FAM227B: variants seen among roughly 807,000 people sequenced by gnomAD.
The protein encoded by FAM227B is protein FAM227B.
In FAM227B, 88 loss-of-function variants were observed where a neutral mutation model predicts 73.8. The ratio of observed to expected loss-of-function variants is 1.19; its 90% CI spans 1.00 to 1.42. The LOEUF is 1.42. Ranked by LOEUF, FAM227B falls within the 40% of genes most tolerant of loss-of-function variation. The pLI, the probability that FAM227B is intolerant of heterozygous loss-of-function variation, is 0.00. For synonymous variants in FAM227B, 210 were observed against 190.5 expected (o/e 1.10, Z -0.84); for missense variants, 632 against 590.9 (o/e 1.07, Z -0.72).
At chr15:49,459,544 A>C (rs1458151748) in intron 11 of FAM227B, among the ~76,000 whole-genome samples, 2 of 149,422 alleles carry the variant, frequency 1.3e-5, no homozygotes, top group East Asian at 4.3e-4. Flanking sequence ...CCCATCCTCT[A>C]TCTTTATCTT....
intron 11 of FAM227B, among the ~76,000 whole-genome samples, chr15:49,405,943 C>T (rs2048480010): frequency 1.3e-5 from 2 of 152,112 alleles, no homozygotes; most frequent in African/African-American, 4.8e-5. Flanking sequence ...TATGTGATGA[C>T]CCGGAAGGTT....
At chr15:49,401,404 G>A (rs1406465488) in intron 11 of FAM227B, among the ~76,000 whole-genome samples, 2 of 151,946 alleles carry the variant, frequency 1.3e-5, no homozygotes, top group African/African-American at 4.8e-5. Context: ...CTGTTGGTGG[G>A]ACTGTAAACT....
intron 11 of FAM227B, among the ~76,000 whole-genome samples, chr15:49,467,129 C>T (rs538121344): frequency 2.6e-5 from 4 of 152,010 alleles, no homozygotes; most frequent in Non-Finnish European, 5.9e-5. Flanking sequence ...GTAAGTTTCA[C>T]GGAGTATATT....
At chr15:49,455,053 A>G (rs751471629) in intron 11 of FAM227B, among the ~76,000 whole-genome samples, 7 of 152,110 alleles carry the variant, frequency 4.6e-5, no homozygotes, top group Non-Finnish European at 1.0e-4. Flanking sequence ...TTGGGGGATC[A>G]CCTGTATTAG....
chr15:49,465,136 A>AT (rs2054146638), intron 11 of FAM227B, among the ~76,000 whole-genome samples: 1 of 151,678 alleles, frequency 6.6e-6, no homozygotes, highest in South Asian at 2.1e-4. Context: ...TTTTATTTTT[A>AT]TTTTATTTTT....
At chr15:49,370,935 T>C (rs2045762565) in intron 12 of FAM227B, among the ~76,000 whole-genome samples, 1 of 152,198 alleles carries the variant, frequency 6.6e-6, no homozygotes, top group Admixed American at 6.5e-5. Flanking sequence ...ACAGGTCAAC[T>C]ATTGTTGATA....
intron 3 of FAM227B, among the ~76,000 whole-genome samples, chr15:49,590,675 T>A (rs1207007079): frequency 6.6e-6 from 1 of 152,212 alleles, no homozygotes; most frequent in East Asian, 1.9e-4. Context: ...ACAGAGTTTA[T>A]GTGTTGAGAA....
intron 4 of FAM227B, among the ~76,000 whole-genome samples, chr15:49,589,064 A>C (rs904100365): frequency 6.6e-6 from 1 of 152,138 alleles, no homozygotes; most frequent in African/African-American, 2.4e-5. Context: ...ATTTAAAACT[A>C]TTCTGGAAAT....
intron 15 of FAM227B, 63 bp from the exon 16 acceptor site, chr15:49,328,738 GA>G: frequency 6.7e-7 from 1 of 1,503,398 alleles, no homozygotes; most frequent in Non-Finnish European, 8.9e-7. Context: ...AATTGAATTT[GA>G]ATGTGAGATT....
At chr15:49,603,088 G>A (rs1337684461) in intron 3 of FAM227B, among the ~76,000 whole-genome samples, 5 of 87,752 alleles carry the variant, frequency 5.7e-5, no homozygotes, top group Non-Finnish European at 1.7e-4. Flanking sequence ...GATTCCTCTT[G>A]TTTTACTCTT....
intron 11 of FAM227B, among the ~76,000 whole-genome samples, chr15:49,444,683 C>G (rs1278678955): frequency 6.6e-6 from 1 of 151,576 alleles, no homozygotes; most frequent in African/African-American, 2.4e-5. Flanking sequence ...GACTGCAGAC[C>G]AAGGACCCTT....
At chr15:49,341,060 G>C (rs932719730) in intron 13 of FAM227B, among the ~76,000 whole-genome samples, 1 of 152,146 alleles carries the variant, frequency 6.6e-6, no homozygotes, top group Non-Finnish European at 1.5e-5. Flanking sequence ...CTTTTTTGGA[G>C]ATCACATAGT....
intron 11 of FAM227B, among the ~76,000 whole-genome samples, chr15:49,443,183 G>A (rs1468498279): frequency 1.3e-5 from 2 of 151,362 alleles, no homozygotes; most frequent in Non-Finnish European, 3.0e-5. Flanking sequence ...ATTAAATACA[G>A]CCATTATTAA....
chr15:49,352,200 C>G (rs2042355147), intron 13 of FAM227B, among the ~76,000 whole-genome samples: 1 of 152,162 alleles, frequency 6.6e-6, no homozygotes, highest in Admixed American at 6.5e-5. Context: ...ATCCCAAAAG[C>G]AAGAGTGAAA....
Position 49,328,151 on chromosome 15 carries a change from G to A in FAM227B, c.*417C>T. On this transcript the variant is annotated 3_prime_UTR_variant, in exon 16 of 16. Transcript: ENST00000299338. Reference sequence around the variant, plus strand: ...TGGAGGTGGGGCTTTGGTTTTGCTTGAGGCCTGAAAAAATGTAAAAAGTCT... The same window carrying A: ...TGGAGGTGGGGCTTTGGTTTTGCTTAAGGCCTGAAAAAATGTAAAAAGTCT... 6.2e-7 allele frequency: 1 copy of A among 1,613,324 alleles called. No homozygotes were observed.
intron 1 of FAM227B, among the ~76,000 whole-genome samples, chr15:49,615,966 T>C (rs1447363754): frequency 6.6e-6 from 1 of 152,232 alleles, no homozygotes; most frequent in African/African-American, 2.4e-5. Context: ...GAAATGCCTC[T>C]ATTTTTTTCT....
At chr15:49,446,202 CTT>C (rs988196105) in intron 11 of FAM227B, among the ~76,000 whole-genome samples, 1 of 151,230 alleles carries the variant, frequency 6.6e-6, no homozygotes, top group African/African-American at 2.4e-5. Flanking sequence ...ACACTTTTTT[CTT>C]TTTAAGTTAA....
At chr15:49,341,257 G>A (rs956853038) in intron 13 of FAM227B, among the ~76,000 whole-genome samples, 1 of 151,934 alleles carries the variant, frequency 6.6e-6, no homozygotes, top group African/African-American at 2.4e-5. Context: ...GGCTGTTTTG[G>A]TTTTAGAATA....
At position 49,446,398 on chromosome 15, in the gene FAM227B, A is replaced by G. The variant is rs936830624; in HGVS notation, c.1012+61813T>C. Reference sequence around the variant, plus strand: ...ACAATGTGACTTTTACCCTTAATGTACTGCCATAGGAAATAATTTGGTAAG... The same window carrying G: ...ACAATGTGACTTTTACCCTTAATGTGCTGCCATAGGAAATAATTTGGTAAG... On this transcript the variant is annotated intron_variant, in intron 11 of 15. Transcript: ENST00000299338. Among the ~76,000 whole-genome samples, 4 of 151,702 alleles carry G rather than the reference A, an allele frequency of 2.6e-5. No homozygotes were observed. The South Asian group carries it at 8.3e-4, about 31-fold the overall frequency.
Sources: allele counts gnomAD v4.1 joint callset (sites outside exome capture counted in the v4.1 genomes callset), GRCh38; gene constraint gnomAD v4.1.1; transcripts MANE v1.5; gene names NCBI Gene and HGNC (gene_info 2026-07-23, HGNC 2026-07-21).